The following ABCA1 variants were observed in gnomAD, a reference collection of about 807,000 sequenced individuals.
ABCA1 encodes the protein phospholipid-transporting ATPase ABCA1.
A neutral mutation model predicts 262.5 loss-of-function variants in ABCA1; 133 were observed. The observed-to-expected ratio is 0.51, with a 90% CI of 0.44 to 0.59. ABCA1 has a LOEUF of 0.59. Ranked by LOEUF, ABCA1 falls within the 20% of genes least tolerant of loss-of-function variation. The pLI is 0.00. For synonymous variants in ABCA1, 1,022 were observed against 1,043.5 expected (o/e 0.98, Z 0.40); for missense variants, 2,452 against 2,777.5 (o/e 0.88, Z 2.63).
intron 1 of ABCA1, among the ~76,000 whole-genome samples, chr9:104,919,871 C>T (rs541661452): frequency 1.3e-5 from 2 of 152,354 alleles, no homozygotes; most frequent in South Asian, 4.1e-4. Context: ...CCTCTCCTCC[C>T]TCTCATTCCT....
intron 7 of ABCA1, chr9:104,855,993 C>CAT: frequency 6.2e-7 from 1 of 1,612,930 alleles, no homozygotes; most frequent in Non-Finnish European, 8.5e-7. Context: ...TTTCTCTCCC[C>CAT]ATCATGTTGG....
At chr9:104,861,275 C>G (rs899265781) in intron 6 of ABCA1, among the ~76,000 whole-genome samples, 1 of 152,204 alleles carries the variant, frequency 6.6e-6, no homozygotes, top group African/African-American at 2.4e-5. Flanking sequence ...TCTCCAAATA[C>G]ACCCTTGTCT....
intron 37 of ABCA1, among the ~76,000 whole-genome samples, chr9:104,797,360 T>A (rs540299074): frequency 4.5e-4 from 68 of 152,346 alleles, no homozygotes; most frequent in African/African-American, 1.5e-3. Flanking sequence ...TGAATTTGTA[T>A]AGAATGAAGG....
At chr9:104,885,419 C>T (rs1347606599) in intron 3 of ABCA1, among the ~76,000 whole-genome samples, 1 of 152,102 alleles carries the variant, frequency 6.6e-6, no homozygotes, top group African/African-American at 2.4e-5. Context: ...CTCCATCTGC[C>T]AAACATTTGT....
chr9:104,788,674 C>T, intron 44 of ABCA1, 107 bp from the exon 45 acceptor site: 1 of 1,332,154 alleles, frequency 7.5e-7, no homozygotes, highest in African/African-American at 1.4e-5. Flanking sequence ...TACAAAGATA[C>T]CAATACATCT....
chr9:104,840,416 C>A lies in ABCA1; in HGVS notation c.917G>T (p.Arg306Leu). ...SSTQIYQAVSRIVCGHPEGGG... is the reference protein window; with the variant it reads ...SSTQIYQAVSLIVCGHPEGGG... ...TCCCTCGGGATGCCCGCAGACAATA[C>A]GAGACACAGCCTGGTAGATTTGGGT... The change falls in exon 9 of 50, where the codon CGT becomes CTT. Residue 306 changes from arginine to leucine, a missense_variant. Around this residue, in one of 4 missense-constraint regions of ABCA1, gnomAD observed 1,032 missense variants for 1,089.7 expected, o/e 0.95. Transcript: ENST00000374736. 2 of 1,614,154 alleles carry A rather than the reference C, an allele frequency of 1.2e-6. No individual in the cohort carries two copies. The highest frequency in any genetic ancestry group is 1.7e-6 in the Non-Finnish European group (2 of 1,180,036).
intron 22 of ABCA1, among the ~76,000 whole-genome samples, 179 bp downstream of exon 22, chr9:104,819,407 A>T (rs1054829262): frequency 1.5e-4 from 23 of 152,206 alleles, no homozygotes; most frequent in Non-Finnish European, 3.4e-4. Context: ...CAAAAAGATG[A>T]ATAAAGACAC....
chr9:104,820,612 C>A (rs906781294), intron 20 of ABCA1, among the ~76,000 whole-genome samples: 1 of 152,220 alleles, frequency 6.6e-6, no homozygotes, highest in Admixed American at 6.5e-5. Flanking sequence ...CTCTCTGCTC[C>A]ATCACACGGG....
intron 5 of ABCA1, among the ~76,000 whole-genome samples, chr9:104,880,201 G>C (rs946643764): frequency 6.6e-6 from 1 of 152,220 alleles, no homozygotes; most frequent in Non-Finnish European, 1.5e-5. Context: ...AGCCCTGGGA[G>C]AGACAGCACA....
intron 32 of ABCA1, among the ~76,000 whole-genome samples, chr9:104,804,169 G>C (rs1830572235): frequency 6.6e-6 from 1 of 152,160 alleles, no homozygotes; most frequent in Non-Finnish European, 1.5e-5. Flanking sequence ...GCAGAGCCAA[G>C]GCAGGCTCCT....
In ABCA1 at chr9:104,831,070, AG is replaced by A; in HGVS notation, c.1746del (p.Phe583LeufsTer26). ...GYWDPGPRAD[P>X]FEDMRYVWGG... ...CCCCAGACGTACCGCATGTCCTCAA[AG>A]GGGTCAGCTCGAGGACCAGGGTCCC... On this transcript the variant is annotated frameshift_variant, in exon 14 of 50. Coordinates refer to ENST00000374736, the MANE Select transcript of ABCA1 (RefSeq NM_005502.4). LOFTEE classifies it high-confidence loss of function. 6.2e-7 allele frequency: 1 copy of A among 1,612,790 alleles called. No individual in the cohort carries two copies. Among genetic ancestry groups the A allele is most frequent in the Non-Finnish European group, 8.5e-7 (1 of 1,179,618 alleles).
In ABCA1 at chr9:104,820,077, C is replaced by T; in HGVS notation, c.2961-8G>A. The T allele has an allele frequency of 6.2e-7, 1 of 1,614,092 alleles. No homozygotes were observed. Among genetic ancestry groups the T allele is most frequent in the Non-Finnish European group, 8.5e-7 (1 of 1,180,016 alleles). ...TGTTCTTCGACAGTCAGCCTGGGGA[C>T]AGGGAGGCAGGTCAGCTCTGGGCCC... is the stretch of plus-strand genomic sequence containing the variant. On this transcript the variant is annotated splice_region_variant and splice_polypyrimidine_tract_variant and intron_variant, in intron 20 of 49. Coordinates refer to ENST00000374736, the MANE Select transcript of ABCA1 (RefSeq NM_005502.4).
intron 8 of ABCA1, among the ~76,000 whole-genome samples, chr9:104,840,900 C>G (rs1395591560): frequency 1.3e-5 from 2 of 151,512 alleles, no homozygotes; most frequent in Non-Finnish European, 2.9e-5. Context: ...CTTCGTTTCA[C>G]CGGGATTATC....
intron 14 of ABCA1, among the ~76,000 whole-genome samples, chr9:104,830,359 T>C (rs375786388): frequency 7.2e-5 from 11 of 152,174 alleles, no homozygotes; most frequent in East Asian, 5.8e-4. Context: ...AGCTTGCAGA[T>C]TGAGCAAATT....
intron 17 of ABCA1, 94 bp from the exon 18 acceptor site, chr9:104,824,672 T>A (rs1459911351): frequency 1.4e-6 from 2 of 1,411,156 alleles, no homozygotes; most frequent in African/African-American, 2.8e-5. Flanking sequence ...GACACATCCT[T>A]TGGAGAAGGA....
Position 104,794,512 on chromosome 9 carries a change from TAAAAAAA to T in ABCA1, c.5383-9_5383-3del. ...GATATCATTGATATTATTCAGCTTC[TAAAAAAA>T]AAAAAAAAAAATGGGAGGGAAGGGA... On this transcript the variant is annotated splice_polypyrimidine_tract_variant and splice_region_variant and intron_variant, in intron 39 of 49. Transcript: ENST00000374736. 2 of 1,288,026 alleles carry T rather than the reference TAAAAAAA, an allele frequency of 1.6e-6. No individual in the cohort carries two copies. The highest frequency in any genetic ancestry group is 2.1e-6 in the Non-Finnish European group (2 of 972,902). The allele number at this position is 1,288,026 out of a possible 1,614,324, so 79.8% of individuals were successfully genotyped here.
intron 20 of ABCA1, 43 bp from the exon 21 acceptor site, chr9:104,820,112 C>G (rs1280000178): frequency 1.9e-6 from 3 of 1,613,098 alleles, no homozygotes. Context: ...CTACTGGATA[C>G]CCCAGAATAC....
Position 104,831,299 on chromosome 9 carries a change from C to T in ABCA1, c.1716-198G>A, listed in dbSNP as rs1365900747. Reference sequence around the variant, plus strand: ...ATGATGCGATCTTAGCTCACTGCAACCTCTGCCTCCTGGGTTCAAGCAATT... The same window carrying T: ...ATGATGCGATCTTAGCTCACTGCAATCTCTGCCTCCTGGGTTCAAGCAATT... On this transcript the variant is annotated intron_variant, in intron 13 of 49. Coordinates refer to ENST00000374736, the MANE Select transcript of ABCA1 (RefSeq NM_005502.4). Among the ~76,000 whole-genome samples, 4 of 151,360 alleles carry T rather than the reference C, an allele frequency of 2.6e-5. No homozygotes were observed. In the East Asian group the frequency reaches 5.8e-4, roughly 22 times the overall value.
In ABCA1 at chr9:104,806,265, C is replaced by A. The variant is rs41494750; in HGVS notation, c.4440G>T (p.Gly1480=). 6,561 of 1,613,498 alleles carry A rather than the reference C, an allele frequency of 4.1e-3. 199 individuals carry two copies. In the African/African-American group the frequency reaches 0.075, roughly 19 times the overall value. ...CTTGTGGAGGAGGCAGCCCCCCTGCCCCTGGGGGACACACAGGCAGCATCT... is the reference window on the plus strand; with the variant it reads ...CTTGTGGAGGAGGCAGCCCCCCTGCACCTGGGGGACACACAGGCAGCATCT... ...IKKMLPVCPP[G]AGGLPPPQRK... Residue 1480 remains glycine (G), a synonymous_variant, in exon 31 of 50, where the codon GGG becomes GGT. Transcript: ENST00000374736.
Sources: gnomAD v4.1 joint callset for allele counts (sites outside exome capture counted in the v4.1 genomes callset) on GRCh38, gnomAD v4.1.1 for gene constraint, gnomAD v4.1.1 regional missense constraint, MANE v1.5 for transcripts, NCBI Gene and HGNC (gene_info 2026-07-23, HGNC 2026-07-21) for gene names.